The following PTPRT variants were observed in gnomAD, a reference collection of about 807,000 sequenced individuals.
The protein encoded by PTPRT is receptor-type tyrosine-protein phosphatase T.
A neutral mutation model predicts 176.8 loss-of-function variants in PTPRT; 56 were observed. The observed-to-expected ratio is 0.32, with a 90% CI of 0.26 to 0.40. The LOEUF (loss-of-function observed/expected upper bound fraction) is 0.40. Ranked by LOEUF, PTPRT falls within the 10% of genes least tolerant of loss-of-function variation. The probability of loss-of-function intolerance (pLI) is 1.00; values close to 1 mark genes in which losing one functional copy is unlikely to be tolerated. For missense variants in PTPRT, 1,540 were observed against 1,908.2 expected (o/e 0.81, Z 3.60); for synonymous variants, 783 against 739.0 (o/e 1.06, Z -0.96).
chr20:42,957,162 T>C (rs1198225375), intron 1 of PTPRT, among the ~76,000 whole-genome samples: 1 of 152,162 alleles, frequency 6.6e-6, no homozygotes, highest in Non-Finnish European at 1.5e-5. Context: ...CCAGCTCATT[T>C]GATAGGGAAA....
chr20:42,292,652 T>C (rs2057335218), intron 12 of PTPRT, among the ~76,000 whole-genome samples: 1 of 152,164 alleles, frequency 6.6e-6, no homozygotes, highest in Non-Finnish European at 1.5e-5. Context: ...CCCTTTGTCA[T>C]TGAGGTCAGA....
intron 1 of PTPRT, among the ~76,000 whole-genome samples, chr20:42,979,626 A>G (rs950081147): frequency 6.6e-6 from 1 of 152,164 alleles, no homozygotes; most frequent in African/African-American, 2.4e-5. Context: ...ACTGGCAGAT[A>G]AATTATGGAT....
intron 22 of PTPRT, among the ~76,000 whole-genome samples, chr20:42,110,891 T>C (rs73131114): frequency 0.035 from 5,324 of 152,304 alleles, 137 homozygotes; most frequent in Middle Eastern, 0.071. Flanking sequence ...TTGTTTCCAG[T>C]GGAATCTGAG....
intron 6 of PTPRT, among the ~76,000 whole-genome samples, chr20:42,706,558 C>T (rs1158627304): frequency 6.6e-6 from 1 of 152,102 alleles, no homozygotes; most frequent in African/African-American, 2.4e-5. Context: ...CATATGGGCA[C>T]ATAGGCATCT....
chr20:42,997,679 C>T (rs533932932), intron 1 of PTPRT, among the ~76,000 whole-genome samples: 4 of 152,098 alleles, frequency 2.6e-5, no homozygotes, highest in East Asian at 3.9e-4. Flanking sequence ...AGGACAGAAA[C>T]GCTGGGGAAA....
At position 42,844,915 on chromosome 20, in the gene PTPRT, G is replaced by A. The variant is rs75472598; in HGVS notation, c.214+40892C>T. Among the ~76,000 whole-genome samples the A allele has an allele frequency of 7.5e-3, 1,143 of 152,256 alleles. 22 individuals are homozygous for A. Among genetic ancestry groups the A allele is most frequent in the Non-Finnish European group, 6.8e-3 (463 of 68,028 alleles). ...CTCTCTATCCCACCCACCTGTTCAGGTTCATTCTCCCAGCACCTTCTGCCA... is the reference window on the plus strand; with the variant it reads ...CTCTCTATCCCACCCACCTGTTCAGATTCATTCTCCCAGCACCTTCTGCCA... On this transcript the variant is annotated intron_variant, in intron 2 of 30. Coordinates refer to ENST00000373187, the MANE Select transcript of PTPRT (RefSeq NM_007050.6).
At chr20:42,429,832 T>A (rs538944252) in intron 9 of PTPRT, among the ~76,000 whole-genome samples, 1 of 152,140 alleles carries the variant, frequency 6.6e-6, no homozygotes, top group Admixed American at 6.5e-5. Context: ...TTGAGCAGGG[T>A]GCTGAGGATG....
chr20:42,604,599 TTC>T (rs1280925527), intron 7 of PTPRT, among the ~76,000 whole-genome samples: 1 of 151,572 alleles, frequency 6.6e-6, no homozygotes, highest in Non-Finnish European at 1.5e-5. Flanking sequence ...TAGGAAGAGG[TTC>T]TCTCATTTTC....
intron 1 of PTPRT, among the ~76,000 whole-genome samples, chr20:42,919,279 TAG>T (rs2145949644): frequency 6.6e-6 from 1 of 152,330 alleles, no homozygotes; most frequent in South Asian, 2.1e-4. Context: ...GGGGGAGAGC[TAG>T]ATGGACTCTT....
chr20:42,923,545 AC>A (rs1169624089), intron 1 of PTPRT, among the ~76,000 whole-genome samples: 1 of 152,192 alleles, frequency 6.6e-6, no homozygotes, highest in Non-Finnish European at 1.5e-5. Flanking sequence ...GTGACAACAC[AC>A]TTTTCACACG....
intron 1 of PTPRT, among the ~76,000 whole-genome samples, chr20:42,937,149 G>T (rs1029507856): frequency 2.0e-5 from 3 of 152,134 alleles, no homozygotes; most frequent in Admixed American, 1.3e-4. Flanking sequence ...TGCTATATAG[G>T]CACATCATAA....
intron 11 of PTPRT, among the ~76,000 whole-genome samples, chr20:42,342,678 G>A (rs2058129608): frequency 6.6e-6 from 1 of 152,196 alleles, no homozygotes; most frequent in African/African-American, 2.4e-5. Context: ...GCTGGTATCT[G>A]AGAATCAGAC....
At chr20:42,574,352 G>A (rs2073219554) in intron 7 of PTPRT, among the ~76,000 whole-genome samples, 2 of 152,270 alleles carry the variant, frequency 1.3e-5, no homozygotes, top group South Asian at 4.1e-4. Flanking sequence ...ACATTTCCCA[G>A]CCTACTCCAC....
intron 9 of PTPRT, among the ~76,000 whole-genome samples, chr20:42,389,335 C>T (rs550299180): frequency 1.3e-5 from 2 of 152,048 alleles, no homozygotes; most frequent in Middle Eastern, 3.5e-3. Flanking sequence ...AGGTCCTCCA[C>T]GATTTATGTT....
intron 7 of PTPRT, among the ~76,000 whole-genome samples, chr20:42,532,752 C>A (rs946389495): frequency 1.3e-5 from 2 of 152,228 alleles, no homozygotes; most frequent in African/African-American, 4.8e-5. Flanking sequence ...AACCATTCCC[C>A]CAACATCTCT....
chr20:43,138,043 A>G (rs1000845572), intron 1 of PTPRT, among the ~76,000 whole-genome samples: 1 of 152,164 alleles, frequency 6.6e-6, no homozygotes, highest in Non-Finnish European at 1.5e-5. Context: ...GTGGCTCCTC[A>G]TCAATAAACC....
At chr20:42,601,318 T>C (rs1896018183) in intron 7 of PTPRT, among the ~76,000 whole-genome samples, 1 of 152,216 alleles carries the variant, frequency 6.6e-6, no homozygotes, top group South Asian at 2.1e-4. Flanking sequence ...CATTATATTA[T>C]TCCAGTGGAT....
intron 1 of PTPRT, among the ~76,000 whole-genome samples, chr20:43,040,685 T>C (rs1986569889): frequency 6.6e-6 from 1 of 152,198 alleles, no homozygotes; most frequent in Non-Finnish European, 1.5e-5. Flanking sequence ...AGCGCCGGTT[T>C]GTCTCTTCTT....
intron 1 of PTPRT, among the ~76,000 whole-genome samples, chr20:43,044,369 G>A (rs988187724): frequency 6.6e-6 from 1 of 152,118 alleles, no homozygotes; most frequent in East Asian, 1.9e-4. Flanking sequence ...GCCAGGGAAG[G>A]TTACAGTTTC....
Sources: gnomAD v4.1 joint callset for allele counts (sites outside exome capture counted in the v4.1 genomes callset) on GRCh38, gnomAD v4.1.1 for gene constraint, MANE v1.5 for transcripts, NCBI Gene and HGNC (gene_info 2026-07-23, HGNC 2026-07-21) for gene names.